The following FOXJ3 variants were observed in gnomAD, a reference collection of about 807,000 sequenced individuals.
The protein encoded by FOXJ3 is forkhead box protein J3.
A neutral mutation model predicts 76.1 loss-of-function variants in FOXJ3; 22 were observed. The observed-to-expected ratio is 0.29, with a 90% CI of 0.21 to 0.41. The LOEUF is 0.41. Ranked by LOEUF, FOXJ3 falls within the 10% of genes least tolerant of loss-of-function variation. The pLI is 1.00. For synonymous variants in FOXJ3, 269 were observed against 261.2 expected (o/e 1.03, Z -0.29); for missense variants, 613 against 762.1 (o/e 0.80, Z 2.30).
At chr1:42,210,588 G>T (rs1348414798) in intron 5 of FOXJ3, among the ~76,000 whole-genome samples, 1 of 152,188 alleles carries the variant, frequency 6.6e-6, no homozygotes, top group Non-Finnish European at 1.5e-5. Context: ...TGGCTAACCA[G>T]AAGGTCTTGA....
chr1:42,209,800 G>A (rs1646931111), intron 5 of FOXJ3, among the ~76,000 whole-genome samples: 1 of 152,206 alleles, frequency 6.6e-6, no homozygotes, highest in African/African-American at 2.4e-5. Flanking sequence ...TCAGGCAGAG[G>A]TCACAGGTTG....
At chr1:42,179,983 A>C (rs939686647) in intron 12 of FOXJ3, among the ~76,000 whole-genome samples, 158 bp from the exon 13 acceptor site, 1 of 152,166 alleles carries the variant, frequency 6.6e-6, no homozygotes, top group Non-Finnish European at 1.5e-5. Context: ...CTTATTTTAT[A>C]GGTAAGGGGA....
chr1:42,248,116 T>C (rs149370569), intron 4 of FOXJ3, among the ~76,000 whole-genome samples: 31 of 152,264 alleles, frequency 2.0e-4, no homozygotes, highest in Admixed American at 6.5e-4. Context: ...ATGGTGGAAA[T>C]GGTGAGAGAC....
At chr1:42,242,877 G>T (rs569320547) in intron 4 of FOXJ3, among the ~76,000 whole-genome samples, 2 of 152,202 alleles carry the variant, frequency 1.3e-5, no homozygotes, top group East Asian at 3.9e-4. Flanking sequence ...AATCCAAAAA[G>T]GTTTTCTTTG....
In FOXJ3 at chr1:42,191,546, G is replaced by C. The variant is rs1331096177; in HGVS notation, c.1108C>G (p.Leu370Val). The C allele has an allele frequency of 6.2e-7, 1 of 1,614,022 alleles. No homozygotes were observed. Among genetic ancestry groups the C allele is most frequent in the Non-Finnish European group, 8.5e-7 (1 of 1,180,024 alleles). The change falls in exon 9 of 13, where the codon CTG becomes GTG. Residue 370 changes from leucine (L) to valine (V), a missense_variant. By Grantham distance (32) the Leu-to-Val change is conservative (BLOSUM62 1). This residue lies in a region of FOXJ3 where 526 missense variants were observed against 601.4 expected (regional missense o/e 0.87). Coordinates refer to ENST00000361346, the MANE Select transcript of FOXJ3 (RefSeq NM_014947.5). ...TGTGTGTGCATCTGGGGGTGAGACA[G>C]TGAGACCTGTGCAACCGAATTACTG... is the stretch of plus-strand genomic sequence containing the variant. ...TGSNSVAQVS[L>V]SHPQMHTQPS...
chr1:42,320,042 G>A (rs1655340459), intron 1 of FOXJ3, among the ~76,000 whole-genome samples: 2 of 152,032 alleles, frequency 1.3e-5, no homozygotes, highest in African/African-American at 4.8e-5. Flanking sequence ...CGACTACTTC[G>A]GCTATACTCC....
intron 1 of FOXJ3, among the ~76,000 whole-genome samples, chr1:42,332,845 G>C (rs897090495): frequency 2.6e-5 from 4 of 152,092 alleles, no homozygotes; most frequent in East Asian, 1.9e-4. Flanking sequence ...TTGGAAATTT[G>C]TATCTTTCTC....
intron 2 of FOXJ3, among the ~76,000 whole-genome samples, chr1:42,281,019 A>G (rs900028628): frequency 6.6e-6 from 1 of 152,200 alleles, no homozygotes; most frequent in Non-Finnish European, 1.5e-5. Flanking sequence ...AGCATATTAC[A>G]AATTGGAATA....
intron 4 of FOXJ3, among the ~76,000 whole-genome samples, chr1:42,255,289 TATA>T (rs1480641170): frequency 1.3e-5 from 2 of 152,066 alleles, no homozygotes; most frequent in African/African-American, 4.8e-5. Context: ...TGGAGGGTAG[TATA>T]ATATTACCTC....
Position 42,259,966 on chromosome 1 carries a change from A to C in FOXJ3, c.444+5149T>G, listed in dbSNP as rs1027496261. On this transcript the variant is annotated intron_variant, in intron 4 of 12. Coordinates refer to ENST00000361346, the MANE Select transcript of FOXJ3 (RefSeq NM_014947.5). ...AAAGTCTCCCTTGGGAAGCTGTATC[A>C]GTGTTTTTTCACTTCAATAAATATG... is the stretch of plus-strand genomic sequence containing the variant. Among the ~76,000 whole-genome samples the C allele has an allele frequency of 2.0e-5, 3 of 152,308 alleles. No individual in the cohort carries two copies. In the East Asian group the frequency reaches 5.8e-4, roughly 29 times the overall value.
At chr1:42,236,758 T>TA (rs1557662509) in intron 4 of FOXJ3, among the ~76,000 whole-genome samples, 3 of 152,324 alleles carry the variant, frequency 2.0e-5, no homozygotes, top group Admixed American at 6.5e-5. Flanking sequence ...ACTGTGAAAC[T>TA]ATTTTCCACT....
intron 8 of FOXJ3, among the ~76,000 whole-genome samples, chr1:42,192,681 T>C (rs772886438): frequency 7.2e-5 from 11 of 152,246 alleles, no homozygotes; most frequent in African/African-American, 1.4e-4. Flanking sequence ...TTTGGTTCTA[T>C]GTAACTAGAC....
At chr1:42,297,839 C>T (rs890631539) in intron 2 of FOXJ3, among the ~76,000 whole-genome samples, 1 of 152,180 alleles carries the variant, frequency 6.6e-6, no homozygotes, top group African/African-American at 2.4e-5. Context: ...TACTCCTCCT[C>T]AATTTTCTGA....
chr1:42,266,192 T>C (rs1484418645), intron 3 of FOXJ3, among the ~76,000 whole-genome samples: 1 of 152,126 alleles, frequency 6.6e-6, no homozygotes, highest in African/African-American at 2.4e-5. Flanking sequence ...ATAAAACTTA[T>C]CTCCCTCAGG....
chr1:42,201,493 T>C (rs1017001676), intron 6 of FOXJ3, among the ~76,000 whole-genome samples: 5 of 152,226 alleles, frequency 3.3e-5, no homozygotes, highest in Admixed American at 1.3e-4. Flanking sequence ...ATGTGGAGTA[T>C]ACATGTAGCA....
chr1:42,189,473 G>T, intron 9 of FOXJ3, 69 bp from the exon 10 acceptor site: 1 of 1,079,376 alleles, frequency 9.3e-7, no homozygotes, highest in Non-Finnish European at 1.4e-6. Context: ...GGAAAACGAT[G>T]AGCTGCCCTT....
At chr1:42,194,019 A>T (rs1482954106) in intron 8 of FOXJ3, among the ~76,000 whole-genome samples, 1 of 152,226 alleles carries the variant, frequency 6.6e-6, no homozygotes, top group Non-Finnish European at 1.5e-5. Flanking sequence ...GCCAGACACC[A>T]TATCTGCTGG....
intron 3 of FOXJ3, among the ~76,000 whole-genome samples, chr1:42,271,294 T>C (rs148539275): frequency 6.6e-6 from 1 of 151,986 alleles, no homozygotes; most frequent in East Asian, 1.9e-4. Context: ...GTTTCCTTTT[T>C]TCATCCCTTT....
At chr1:42,263,298 T>C (rs1026297543) in intron 4 of FOXJ3, among the ~76,000 whole-genome samples, 1 of 150,688 alleles carries the variant, frequency 6.6e-6, no homozygotes, top group African/African-American at 2.4e-5. Context: ...TGATTTTTAA[T>C]TTTTTTTAAT....
Sources: gnomAD v4.1 joint callset for allele counts (sites outside exome capture counted in the v4.1 genomes callset) on GRCh38, gnomAD v4.1.1 for gene constraint, gnomAD v4.1.1 regional missense constraint, MANE v1.5 for transcripts, NCBI Gene and HGNC (gene_info 2026-07-23, HGNC 2026-07-21) for gene names.